COPG2: variants seen among roughly 807,000 people sequenced by gnomAD.
COPG2 encodes the protein coat protein complex I subunit gamma 2.
A neutral mutation model predicts 46.3 loss-of-function variants in COPG2; 37 were observed. That is an observed-to-expected ratio of 0.80 (90% CI 0.61 to 1.05). COPG2 has a LOEUF of 1.05. COPG2 is among the 50% of genes least tolerant of loss of function. The pLI is 0.00. For synonymous variants in COPG2, 159 were observed against 129.7 expected, an observed-to-expected ratio of 1.23 and a Z score of -1.53; for missense variants, 427 against 387.8, an observed-to-expected ratio of 1.10 and a Z score of -0.85.
At chr7:130,509,835 G>A (rs782567558) in intron 20 of COPG2, 2 of 502,562 alleles carry the variant, frequency 4.0e-6, no homozygotes, top group Non-Finnish European at 8.0e-6. Flanking sequence ...TGAGGGTGCG[G>A]GATTAACAAA....
chr7:130,655,740 T>C (rs1249018090), intron 4 of COPG2, among the ~76,000 whole-genome samples: 1 of 152,204 alleles, frequency 6.6e-6, no homozygotes, highest in African/African-American at 2.4e-5. Context: ...AGGGCTGACC[T>C]AGTTTCCCTT....
chr7:130,562,216 G>A (rs909732691), intron 11 of COPG2, among the ~76,000 whole-genome samples: 68 of 152,202 alleles, frequency 4.5e-4, no homozygotes, highest in African/African-American at 1.4e-3. Context: ...AAAATTAGCC[G>A]GACGTGGTGG....
chr7:130,663,730 C>CTTTT lies in COPG2; in HGVS notation c.172-696_172-693dup, dbSNP rs71178602. Among the ~76,000 whole-genome samples the CTTTT allele has an allele frequency of 2.3e-3, 155 of 67,122 alleles. 1 individual carries two copies. The highest frequency in any genetic ancestry group is 3.1e-3 in the Non-Finnish European group (117 of 37,922). The allele number at this position is 67,122 out of a possible 152,430, so 44.0% of individuals were successfully genotyped here. On this transcript the variant is annotated intron_variant, in intron 3 of 23. Transcript: ENST00000425248. ...AAGCCTGAGATTTTGCATTTCTTTT[C>CTTTT]TTTTTTTTTTTTTTTTTTTTTTTTT...
chr7:130,633,574 GT>G (rs1272754554), intron 5 of COPG2, among the ~76,000 whole-genome samples: 1 of 152,080 alleles, frequency 6.6e-6, no homozygotes, highest in Admixed American at 6.6e-5. Context: ...TGATGGGGTG[GT>G]TTTTTTCTTG....
intron 20 of COPG2, among the ~76,000 whole-genome samples, chr7:130,536,593 C>T (rs968436604): frequency 2.6e-5 from 4 of 152,230 alleles, no homozygotes; most frequent in South Asian, 4.1e-4. Context: ...CACTGGTGGA[C>T]GCGGGAGGAT....
At chr7:130,649,047 G>C (rs1436593538) in intron 5 of COPG2, among the ~76,000 whole-genome samples, 1 of 152,176 alleles carries the variant, frequency 6.6e-6, no homozygotes, top group African/African-American at 2.4e-5. Flanking sequence ...TATAAGTACA[G>C]AGACTCACTC....
chr7:130,520,508 C>T (rs1275758581), intron 20 of COPG2, among the ~76,000 whole-genome samples: 5 of 152,168 alleles, frequency 3.3e-5, no homozygotes, highest in African/African-American at 1.2e-4. Flanking sequence ...AAAAGATTTA[C>T]ATTATATATA....
At chr7:130,663,297 T>C (rs1177588333) in intron 3 of COPG2, among the ~76,000 whole-genome samples, 1 of 152,078 alleles carries the variant, frequency 6.6e-6, no homozygotes, top group Non-Finnish European at 1.5e-5. Flanking sequence ...TCTCTAAACT[T>C]TTAGTAGAAA....
chr7:130,517,933 G>GA (rs36132731), intron 20 of COPG2, among the ~76,000 whole-genome samples: 70,443 of 151,970 alleles, frequency 0.46, 17,893 homozygotes, highest in East Asian at 0.6. Context: ...TGTTGTTGAA[G>GA]ATTGCAATGA....
chr7:130,583,836 G>C (rs1347656525), intron 9 of COPG2, among the ~76,000 whole-genome samples: 3 of 53,292 alleles, frequency 5.6e-5, no homozygotes, highest in Admixed American at 2.1e-4. Context: ...AAAAAAAAAA[G>C]TCCAGGACCA....
At chr7:130,604,662 T>C in intron 9 of COPG2, 1 of 496,128 alleles carries the variant, frequency 2.0e-6, no homozygotes, top group South Asian at 1.5e-5. Flanking sequence ...GGTATTTTAT[T>C]TTCTTCACTT....
At chr7:130,509,341 T>C in intron 20 of COPG2, 2 of 493,526 alleles carry the variant, frequency 4.1e-6, no homozygotes, top group South Asian at 1.5e-5. Context: ...GAAGTCTTTA[T>C]AAAAAGTAAA....
rs1262142917 is a variant in COPG2 at position 130,536,826 on chromosome 7, G to A, written c.2149+10848C>T. On this transcript the variant is annotated intron_variant, in intron 20 of 23. Coordinates refer to ENST00000425248, the MANE Select transcript of COPG2 (RefSeq NM_012133.6). ...CCGAGACTCGAGGACTCAGGTGGAG[G>A]AGTGAGGCCAAGATAGGGGCCCAGT... Among the ~76,000 whole-genome samples the A allele has an allele frequency of 1.2e-4, 19 of 152,348 alleles. No homozygotes were observed. In the East Asian group the frequency reaches 3.7e-3, roughly 29 times the overall value.
At position 130,553,839 on chromosome 7, in the gene COPG2, G is replaced by A. The variant is rs902816464; in HGVS notation, c.1468+642C>T. Among the ~76,000 whole-genome samples, 77 of 152,216 alleles carry A rather than the reference G, an allele frequency of 5.1e-4. 1 individual carries two copies. The highest frequency in any genetic ancestry group is 2.2e-4 in the Non-Finnish European group (15 of 68,042). On this transcript the variant is annotated intron_variant, in intron 14 of 23. Transcript: ENST00000425248. ...GGAAACCAAGGCTATGGGGTTTCAC[G>A]AAGTGTTCAGTCAATAGCACATCAA...
At chr7:130,577,487 C>T (rs1235719724) in intron 9 of COPG2, among the ~76,000 whole-genome samples, 2 of 152,162 alleles carry the variant, frequency 1.3e-5, no homozygotes, top group Admixed American at 1.3e-4. Context: ...CCAGGCCAGG[C>T]GCGGTGGCTC....
chr7:130,615,512 G>T (rs1184048618), intron 6 of COPG2, among the ~76,000 whole-genome samples: 1 of 152,188 alleles, frequency 6.6e-6, no homozygotes, highest in African/African-American at 2.4e-5. Context: ...TGATCAGGTA[G>T]ATCTTTCCTT....
chr7:130,618,281 T>C lies in COPG2; in HGVS notation c.324-1216A>G, dbSNP rs539287875. Among the ~76,000 whole-genome samples the C allele has an allele frequency of 4.9e-4, 74 of 152,118 alleles. 1 individual carries two copies. The highest frequency in any genetic ancestry group is 1.7e-3 in the African/African-American group (70 of 41,502). ...GCCAGCAATGGGGAGCCCTGAACAA[T>C]ACACTCGTTCAGTAATTTAAGTGCC... On this transcript the variant is annotated intron_variant, in intron 5 of 23. Transcript: ENST00000425248.
At chr7:130,591,541 C>A in intron 9 of COPG2, among the ~76,000 whole-genome samples, 1 of 130,510 alleles carries the variant, frequency 7.7e-6, no homozygotes, top group Non-Finnish European at 1.7e-5. Context: ...TGCCCGGCCG[C>A]CCCTACTGGG....
intron 5 of COPG2, among the ~76,000 whole-genome samples, chr7:130,621,537 C>T (rs535200770): frequency 4.1e-4 from 63 of 152,230 alleles, no homozygotes; most frequent in African/African-American, 1.3e-3. Flanking sequence ...CAGCTGGGCA[C>T]GGTGCTCACG....
Sources: gnomAD v4.1 joint callset for allele counts (sites outside exome capture counted in the v4.1 genomes callset) on GRCh38, gnomAD v4.1.1 for gene constraint, MANE v1.5 for transcripts, NCBI Gene and HGNC (gene_info 2026-07-23, HGNC 2026-07-21) for gene names.